Variants in TSPAN18 observed in about 807,000 individuals in gnomAD.
TSPAN18 encodes the protein tetraspanin-18.
In TSPAN18, 14 loss-of-function variants were observed where a neutral mutation model predicts 27.3. The observed-to-expected ratio is 0.51, with a 90% CI of 0.34 to 0.80. TSPAN18 has a LOEUF of 0.80. Ranked by LOEUF, TSPAN18 falls within the 30% of genes least tolerant of loss-of-function variation. TSPAN18 has a pLI of 0.01. For missense variants in TSPAN18, 268 were observed against 323.9 expected (o/e 0.83, Z 1.32); for synonymous variants, 143 against 136.5 (o/e 1.05, Z -0.33).
At chr11:44,784,273 G>A (rs1425845889) in intron 2 of TSPAN18, among the ~76,000 whole-genome samples, 10 of 152,250 alleles carry the variant, frequency 6.6e-5, no homozygotes, top group South Asian at 4.2e-4. Flanking sequence ...AGACTGTGGG[G>A]CTCCCAGTGA....
intron 2 of TSPAN18, among the ~76,000 whole-genome samples, chr11:44,777,945 C>T (rs2134939344): frequency 6.6e-6 from 1 of 152,238 alleles, no homozygotes; most frequent in African/African-American, 2.4e-5. Context: ...CAAGCTGGCT[C>T]AGGAGAGAAG....
At position 44,885,226 on chromosome 11, in the gene TSPAN18, C is replaced by T. The variant is rs183792967; in HGVS notation, c.-10-21181C>T. Among the ~76,000 whole-genome samples the T allele has an allele frequency of 8.9e-4, 136 of 152,316 alleles. 1 individual carries two copies. Among genetic ancestry groups the T allele is most frequent in the African/African-American group, 2.9e-3 (122 of 41,560 alleles). ...GATGTCCCTTCCCTAAGCCCTTCTC[C>T]GGTATTTATTACCTTCCATCCTGCC... On this transcript the variant is annotated intron_variant, in intron 3 of 9. Transcript: ENST00000520358.
chr11:44,759,340 G>C (rs566021988), intron 1 of TSPAN18, among the ~76,000 whole-genome samples: 14 of 152,204 alleles, frequency 9.2e-5, no homozygotes, highest in Non-Finnish European at 1.8e-4. Flanking sequence ...GGGTGAGCTA[G>C]GGGGTGATGG....
rs1860468265 is a variant in TSPAN18 at position 44,928,945 on chromosome 11, A to G, written c.700-186A>G. Among the ~76,000 whole-genome samples, 7 of 152,176 alleles carry G rather than the reference A, an allele frequency of 4.6e-5. No homozygotes were observed. In the South Asian group the frequency reaches 1.4e-3, roughly 31 times the overall value. ...TAAAGTCTTCCTGGTCCATGACTCC[A>G]CCACATAAAGGAAGCCAGGTAGGGG... On this transcript the variant is annotated intron_variant, in intron 9 of 9. Coordinates refer to ENST00000520358, the MANE Select transcript of TSPAN18 (RefSeq NM_130783.5).
rs368278585 is a variant in TSPAN18 at position 44,857,118 on chromosome 11, C to T, written c.-152-3210C>T. 7.2e-5 allele frequency among the ~76,000 whole-genome samples: 11 copies of T among 152,228 alleles called. No homozygotes were observed. In the South Asian group the frequency reaches 1.5e-3, roughly 20 times the overall value. ...ATTTTGTAGATGAGGAAACTGAGGC[C>T]CAGAGGTGGGGAAAGAGGGACTTAG... On this transcript the variant is annotated intron_variant, in intron 2 of 9. Coordinates refer to ENST00000520358, the MANE Select transcript of TSPAN18 (RefSeq NM_130783.5).
At chr11:44,787,572 C>A (rs1243068576) in intron 2 of TSPAN18, among the ~76,000 whole-genome samples, 1 of 152,206 alleles carries the variant, frequency 6.6e-6, no homozygotes, top group Non-Finnish European at 1.5e-5. Flanking sequence ...CTCTTGGCTT[C>A]CCTGTGCCTC....
chr11:44,897,310 G>A (rs72901359), intron 3 of TSPAN18, among the ~76,000 whole-genome samples: 32,251 of 152,032 alleles, frequency 0.21, 4,379 homozygotes, highest in Middle Eastern at 0.3. Flanking sequence ...CTCTCTCCTG[G>A]GAGTCTGGGT....
chr11:44,755,052 G>C (rs1463096521), intron 1 of TSPAN18, among the ~76,000 whole-genome samples: 1 of 152,164 alleles, frequency 6.6e-6, no homozygotes, highest in African/African-American at 2.4e-5. Context: ...GGCGTGAGGG[G>C]AAATGATTCT....
chr11:44,869,914 A>G (rs1185016380), intron 3 of TSPAN18, among the ~76,000 whole-genome samples: 1 of 152,204 alleles, frequency 6.6e-6, no homozygotes, highest in African/African-American at 2.4e-5. Flanking sequence ...AAGCACCAGT[A>G]TAACAGCTCA....
At chr11:44,730,537 C>T (rs1199711591) in intron 1 of TSPAN18, among the ~76,000 whole-genome samples, 2 of 152,128 alleles carry the variant, frequency 1.3e-5, no homozygotes, top group Admixed American at 1.3e-4. Flanking sequence ...GCAAATGTAC[C>T]AGCTTGGGCT....
chr11:44,920,074 A>C, intron 8 of TSPAN18, 75 bp downstream of exon 8: 3 of 1,429,284 alleles, frequency 2.1e-6, no homozygotes, highest in Non-Finnish European at 2.9e-6. Flanking sequence ...GGGAGGCGCT[A>C]TCACCCCAGA....
intron 2 of TSPAN18, among the ~76,000 whole-genome samples, chr11:44,811,441 A>T (rs1027936490): frequency 6.8e-6 from 1 of 146,732 alleles, no homozygotes; most frequent in Non-Finnish European, 1.5e-5. Context: ...CTCCTTGATG[A>T]CATGTACCAC....
chr11:44,897,450 T>C lies in TSPAN18; in HGVS notation c.-10-8957T>C, dbSNP rs1205536579. 8.5e-5 allele frequency among the ~76,000 whole-genome samples: 13 copies of C among 152,178 alleles called. 1 individual carries two copies. The highest frequency in any genetic ancestry group is 8.5e-4 in the Admixed American group (13 of 15,276). On this transcript the variant is annotated intron_variant, in intron 3 of 9. Transcript: ENST00000520358. ...ATCTCCTCCCAGGCCATCAGCCTCA[T>C]GTGCAGCCGTGTCAGCATACATGAA...
At chr11:44,745,867 A>G (rs934138764) in intron 1 of TSPAN18, among the ~76,000 whole-genome samples, 2 of 152,180 alleles carry the variant, frequency 1.3e-5, no homozygotes, top group Non-Finnish European at 2.9e-5. Context: ...CTCTACTAAA[A>G]ATACAAAAAA....
At chr11:44,897,306 C>T (rs1394624779) in intron 3 of TSPAN18, among the ~76,000 whole-genome samples, 1 of 152,222 alleles carries the variant, frequency 6.6e-6, no homozygotes, top group Non-Finnish European at 1.5e-5. Flanking sequence ...ATCTCTCTCT[C>T]CTGGGAGTCT....
chr11:44,897,862 T>G (rs11038190), intron 3 of TSPAN18: 2 of 1,289,244 alleles, frequency 1.6e-6, no homozygotes, highest in Non-Finnish European at 2.0e-6. Flanking sequence ...CCCTTCTCAG[T>G]GTACCTCTGC....
At position 44,920,003 on chromosome 11, in the gene TSPAN18, C is replaced by G. The variant is rs779948199; in HGVS notation, c.615+4C>G. ...GAGCCTATTCCTAAACAAGCAGGTA[C>G]TGGCCCTGCTCTCCAGACAGGGGAG... On this transcript the variant is annotated splice_donor_region_variant and intron_variant, in intron 8 of 9. Coordinates refer to ENST00000520358, the MANE Select transcript of TSPAN18 (RefSeq NM_130783.5). 9 of 1,611,806 alleles carry G rather than the reference C, an allele frequency of 5.6e-6. No homozygotes were observed. The highest frequency in any genetic ancestry group is 7.6e-6 in the Non-Finnish European group (9 of 1,178,762).
chr11:44,851,744 T>C (rs1857611833), intron 2 of TSPAN18, among the ~76,000 whole-genome samples: 1 of 152,150 alleles, frequency 6.6e-6, no homozygotes, highest in Non-Finnish European at 1.5e-5. Context: ...TTGCCTTGGC[T>C]GTGTCCTCTG....
At chr11:44,927,039 C>T (rs1447330114) in intron 9 of TSPAN18, among the ~76,000 whole-genome samples, 1 of 152,230 alleles carries the variant, frequency 6.6e-6, no homozygotes, top group African/African-American at 2.4e-5. Context: ...TCATCCCCAC[C>T]TCCGCCCCAG....
Sources: allele counts gnomAD v4.1 joint callset (sites outside exome capture counted in the v4.1 genomes callset), GRCh38; gene constraint gnomAD v4.1.1; transcripts MANE v1.5; gene names NCBI Gene and HGNC (gene_info 2026-07-23, HGNC 2026-07-21).